The following PRTG variants were observed in gnomAD, a reference collection of about 807,000 sequenced individuals.
The protein encoded by PRTG is immunoglobulin superfamily, DCC subclass, member 5.
PRTG carries 67 observed loss-of-function variants against 122.5 expected under a neutral mutation model. The observed-to-expected ratio is 0.55, with a 90% CI of 0.45 to 0.67. The LOEUF (loss-of-function observed/expected upper bound fraction) is 0.67, where lower values mean the gene tolerates loss of function less well. Ranked by LOEUF, PRTG falls within the 30% of genes least tolerant of loss-of-function variation. The probability of loss-of-function intolerance (pLI) is 0.00; values close to 1 mark genes in which losing one functional copy is unlikely to be tolerated. For synonymous variants in PRTG, 554 were observed against 501.1 expected (o/e 1.11, Z -1.41); for missense variants, 1,435 against 1,415.4 (o/e 1.01, Z -0.22).
At chr15:55,679,192 A>T in intron 7 of PRTG, 94 bp downstream of exon 7, 1 of 753,324 alleles carries the variant, frequency 1.3e-6, no homozygotes, top group East Asian at 2.8e-5. Flanking sequence ...TATCAAGATA[A>T]TTTAGGTATT....
intron 17 of PRTG, 26 bp downstream of exon 17, chr15:55,626,982 C>A: frequency 6.3e-7 from 1 of 1,582,998 alleles, no homozygotes; most frequent in South Asian, 1.2e-5. Context: ...TTTTTCACCT[C>A]AACATCTCTA....
chr15:55,632,411 T>C (rs581287), intron 15 of PRTG, among the ~76,000 whole-genome samples: 86,466 of 152,012 alleles, frequency 0.57, 27,302 homozygotes, highest in Non-Finnish European at 0.7. Flanking sequence ...CTTACCTCCT[T>C]ACAATCTACT....
intron 11 of PRTG, among the ~76,000 whole-genome samples, chr15:55,652,659 A>G (rs2059359222): frequency 6.6e-6 from 1 of 152,200 alleles, no homozygotes; most frequent in Non-Finnish European, 1.5e-5. Flanking sequence ...GAGGAGCAGG[A>G]AAAACGCTAA....
At chr15:55,716,177 G>C (rs2030592174) in intron 2 of PRTG, among the ~76,000 whole-genome samples, 1 of 152,196 alleles carries the variant, frequency 6.6e-6, no homozygotes, top group Non-Finnish European at 1.5e-5. Flanking sequence ...AAGTTGCAGT[G>C]AGCCAAGATC....
At chr15:55,666,241 C>T (rs1339342061) in intron 11 of PRTG, among the ~76,000 whole-genome samples, 1 of 152,232 alleles carries the variant, frequency 6.6e-6, no homozygotes, top group Non-Finnish European at 1.5e-5. Context: ...TGGTAGAGAG[C>T]ATGCTCTGGG....
At chr15:55,639,533 A>T (rs2059277482) in intron 13 of PRTG, 109 bp downstream of exon 13, 1 of 855,788 alleles carries the variant, frequency 1.2e-6, no homozygotes, top group Non-Finnish European at 1.8e-6. Flanking sequence ...CCTGAAACAA[A>T]TGCTTACAGG....
chr15:55,648,418 G>T (rs1276227282), intron 11 of PRTG, among the ~76,000 whole-genome samples: 1 of 152,118 alleles, frequency 6.6e-6, no homozygotes, highest in African/African-American at 2.4e-5. Flanking sequence ...CAATAATAAT[G>T]CATTAACTGT....
intron 2 of PRTG, among the ~76,000 whole-genome samples, chr15:55,727,694 G>A (rs994417684): frequency 1.3e-5 from 2 of 152,094 alleles, no homozygotes; most frequent in African/African-American, 4.8e-5. Flanking sequence ...TACTCGTGAG[G>A]CTGAGGCAGA....
At chr15:55,718,378 T>C (rs539945641) in intron 2 of PRTG, among the ~76,000 whole-genome samples, 1 of 152,242 alleles carries the variant, frequency 6.6e-6, no homozygotes, top group East Asian at 1.9e-4. Flanking sequence ...TCTTCCTTGT[T>C]TCCCTCCCGC....
intron 2 of PRTG, among the ~76,000 whole-genome samples, chr15:55,706,490 T>C (rs2030122595): frequency 1.4e-5 from 2 of 146,642 alleles, no homozygotes; most frequent in Non-Finnish European, 3.0e-5. Flanking sequence ...CAGTGGCTCA[T>C]GACTAACACT....
intron 15 of PRTG, among the ~76,000 whole-genome samples, chr15:55,633,575 C>A (rs2059239664): frequency 6.6e-6 from 1 of 152,110 alleles, no homozygotes; most frequent in Non-Finnish European, 1.5e-5. Flanking sequence ...TATGTATAAA[C>A]CTAATGAGAA....
At chr15:55,728,160 C>G (rs756802948) in intron 2 of PRTG, among the ~76,000 whole-genome samples, 3 of 152,132 alleles carry the variant, frequency 2.0e-5, no homozygotes, top group Non-Finnish European at 4.4e-5. Context: ...CCCACTGTGC[C>G]TGGCCTCCAC....
At chr15:55,639,617 A>G in intron 13 of PRTG, 25 bp downstream of exon 13, 18 of 1,602,532 alleles carry the variant, frequency 1.1e-5, no homozygotes, top group Non-Finnish European at 1.5e-5. Context: ...AGCAAAGAAA[A>G]TAACCATTAA....
intron 2 of PRTG, among the ~76,000 whole-genome samples, chr15:55,718,986 C>T (rs988173686): frequency 6.6e-6 from 1 of 152,154 alleles, no homozygotes; most frequent in African/African-American, 2.4e-5. Context: ...CTCAGGTACT[C>T]TGCCCACCTC....
At chr15:55,694,051 A>G (rs1191719255) in intron 2 of PRTG, among the ~76,000 whole-genome samples, 1 of 152,212 alleles carries the variant, frequency 6.6e-6, no homozygotes, top group Admixed American at 6.5e-5. Context: ...ACAGAGAAAC[A>G]AAAGTAATTT....
At chr15:55,701,166 T>C (rs2059661222) in intron 2 of PRTG, among the ~76,000 whole-genome samples, 1 of 152,156 alleles carries the variant, frequency 6.6e-6, no homozygotes, top group Non-Finnish European at 1.5e-5. Flanking sequence ...TGATACATTG[T>C]TGGTGGGATG....
intron 15 of PRTG, among the ~76,000 whole-genome samples, chr15:55,634,085 G>A (rs1009483189): frequency 1.7e-4 from 8 of 46,630 alleles, no homozygotes; most frequent in African/African-American, 9.0e-4. Context: ...TTTTTTTTTT[G>A]AGATGGTGTT....
chr15:55,648,443 C>T (rs974269598), intron 11 of PRTG, among the ~76,000 whole-genome samples: 1 of 152,116 alleles, frequency 6.6e-6, no homozygotes. Context: ...CTGTGCAACA[C>T]CTTAAGTAAC....
chr15:55,641,897 G>A (rs963764363), intron 11 of PRTG, among the ~76,000 whole-genome samples: 1 of 152,004 alleles, frequency 6.6e-6, no homozygotes, highest in African/African-American at 2.4e-5. Context: ...AAAATAGGCC[G>A]GGCGCGGTGG....
Sources: gnomAD v4.1 joint callset for allele counts (sites outside exome capture counted in the v4.1 genomes callset) on GRCh38, gnomAD v4.1.1 for gene constraint, MANE v1.5 for transcripts, NCBI Gene and HGNC (gene_info 2026-07-23, HGNC 2026-07-21) for gene names.